The following POGK variants were observed in gnomAD, a reference collection of about 807,000 sequenced individuals.
POGK encodes pogo transposable element with KRAB domain.
POGK carries 16 observed loss-of-function variants against 54.4 expected under a neutral mutation model. That is an observed-to-expected ratio of 0.29 (90% confidence interval 0.20 to 0.45). POGK has a LOEUF of 0.45. Ranked by LOEUF, POGK falls within the 20% of genes least tolerant of loss-of-function variation. The probability of loss-of-function intolerance (pLI) is 1.00; values close to 1 mark genes in which losing one functional copy is unlikely to be tolerated. For synonymous variants in POGK, 271 were observed against 302.2 expected (o/e 0.90, Z 1.07); for missense variants, 515 against 795.6 (o/e 0.65, Z 4.24).
rs755023488 is a variant in POGK at position 166,849,201 on chromosome 1, G to T, written c.622G>T (p.Val208Leu). The change falls in exon 5 of 6, where the codon GTA becomes TTA. Residue 208 changes from valine (V) to leucine (L), a missense_variant. Physicochemically the swap from Val to Leu is conservative, Grantham distance 32 (BLOSUM62 1). This residue lies in a region of POGK where 461 missense variants were observed against 743.5 expected (regional missense o/e 0.62). Coordinates refer to ENST00000367876, the MANE Select transcript of POGK (RefSeq NM_017542.5). ...RSYDAGFKLM[V>L]VEYAESTNNC... ...TTACGACGCAGGGTTCAAGCTGATG[G>T]TAGTGGAATATGCTGAGAGTACCAA... 1.2e-6 allele frequency: 2 copies of T among 1,614,234 alleles called. No individual in the cohort carries two copies.
At chr1:166,847,403 G>A (rs1429488551) in intron 3 of POGK, 91 bp from the exon 4 acceptor site, 2 of 925,132 alleles carry the variant, frequency 2.2e-6, no homozygotes, top group Admixed American at 2.5e-5. Flanking sequence ...AAGAAGGGGA[G>A]AGTGGCTCTT....
intron 5 of POGK, chr1:166,851,880 A>T (rs1034137088): frequency 1.1e-4 from 16 of 152,188 alleles, no homozygotes; most frequent in African/African-American, 3.9e-4. Context: ...TGAAATGCTA[A>T]TGGGAGCCTT....
In POGK at chr1:166,850,415, A is replaced by G; in HGVS notation, c.*6A>G. ...GCATGGCTGAGAGCAACTGAAGGGAAAGGGAAAGGTAACCACTCAGGAGTA... is the reference window on the plus strand; with the variant it reads ...GCATGGCTGAGAGCAACTGAAGGGAGAGGGAAAGGTAACCACTCAGGAGTA... On this transcript the variant is annotated 3_prime_UTR_variant, in exon 5 of 6. Transcript: ENST00000367876. The G allele has an allele frequency of 6.3e-7, 1 of 1,597,362 alleles. No homozygotes were observed. The highest frequency in any genetic ancestry group is 8.5e-7 in the Non-Finnish European group (1 of 1,174,676).
Position 166,849,393 on chromosome 1 carries a change from T to A in POGK, c.814T>A (p.Tyr272Asn). The A allele has an allele frequency of 6.2e-7, 1 of 1,614,222 alleles. No homozygotes were observed. The highest frequency in any genetic ancestry group is 8.5e-7 in the Non-Finnish European group (1 of 1,180,048). Residue 272 changes from tyrosine (Y) to asparagine (N), a missense_variant, in exon 5 of 6, where the codon TAC (tyrosine) becomes AAC (asparagine). By Grantham distance (143) the Tyr-to-Asn change is moderately radical (BLOSUM62 -2). Around this residue, in one of 2 missense-constraint regions of POGK, gnomAD observed 461 missense variants for 743.5 expected, o/e 0.62. Coordinates refer to ENST00000367876, the MANE Select transcript of POGK (RefSeq NM_017542.5). Reference protein sequence around the residue: ...VDQRVAEYVRYMQAKGDPITR... With the variant: ...VDQRVAEYVRNMQAKGDPITR... ...CCAGCGTGTGGCCGAATATGTCAGA[T>A]ACATGCAGGCCAAAGGGGACCCCAT...
chr1:166,848,628 T>C (rs1011093668), intron 4 of POGK, among the ~76,000 whole-genome samples: 3 of 152,210 alleles, frequency 2.0e-5, no homozygotes, highest in Admixed American at 6.5e-5. Context: ...GTTCCTCTGT[T>C]GAGTTCCCAG....
Position 166,853,991 on chromosome 1 carries a change from C to G in POGK, c.*1421C>G, listed in dbSNP as rs1411287853. ...CATCTCAAATGGCGTCTAAACCCAG[C>G]TACTTTGCATTCCAGAAGTTTCCAT... On this transcript the variant is annotated 3_prime_UTR_variant, in exon 6 of 6. Transcript: ENST00000367876. 6.6e-6 allele frequency: 1 copy of G among 152,218 alleles called. No individual in the cohort carries two copies. Among genetic ancestry groups the G allele is most frequent in the East Asian group, 1.9e-4 (1 of 5,192 alleles). The allele number at this position is 152,218 out of a possible 1,614,324, so 9.4% of individuals were successfully genotyped here.
At chr1:166,850,534 A>C in intron 5 of POGK, 111 bp downstream of exon 5, 1 of 1,266,154 alleles carries the variant, frequency 7.9e-7, no homozygotes, top group Non-Finnish European at 1.1e-6. Flanking sequence ...CCTACAGTGC[A>C]GTAGTGTAGA....
chr1:166,843,688 C>T (rs1008997928), intron 2 of POGK, among the ~76,000 whole-genome samples: 2 of 152,182 alleles, frequency 1.3e-5, no homozygotes, highest in Admixed American at 1.3e-4. Context: ...TGCGTCTTTG[C>T]TGGGTGGCTG....
intron 2 of POGK, among the ~76,000 whole-genome samples, chr1:166,843,689 T>C (rs1485465637): frequency 6.6e-6 from 1 of 152,074 alleles, no homozygotes; most frequent in East Asian, 1.9e-4. Context: ...GCGTCTTTGC[T>C]GGGTGGCTGC....
rs2101777238 is a variant in POGK at position 166,853,990 on chromosome 1, G to A, written c.*1420G>A. ...TCATCTCAAATGGCGTCTAAACCCAGCTACTTTGCATTCCAGAAGTTTCCA... is the reference window on the plus strand; with the variant it reads ...TCATCTCAAATGGCGTCTAAACCCAACTACTTTGCATTCCAGAAGTTTCCA... On this transcript the variant is annotated 3_prime_UTR_variant, in exon 6 of 6. Transcript: ENST00000367876. The A allele has an allele frequency of 6.6e-6, 1 of 152,264 alleles. No homozygotes were observed. The highest frequency in any genetic ancestry group is 2.1e-4 in the South Asian group (1 of 4,824). The allele number at this position is 152,264 out of a possible 1,614,324, so 9.4% of individuals were successfully genotyped here.
At chr1:166,843,667 C>T (rs1174025108) in intron 2 of POGK, among the ~76,000 whole-genome samples, 1 of 152,136 alleles carries the variant, frequency 6.6e-6, no homozygotes, top group Non-Finnish European at 1.5e-5. Context: ...AACCCCTTCC[C>T]CCGAGATCCC....
At chr1:166,846,366 G>C (rs1054781891) in intron 2 of POGK, among the ~76,000 whole-genome samples, 20 of 152,182 alleles carry the variant, frequency 1.3e-4, no homozygotes, top group Non-Finnish European at 2.6e-4. Flanking sequence ...TTCTCAAAGT[G>C]CTGCTTACCT....
chr1:166,851,794 A>G (rs563364605), intron 5 of POGK: 1 of 152,374 alleles, frequency 6.6e-6, no homozygotes, highest in African/African-American at 2.4e-5. Context: ...GAAACCGTCA[A>G]CCATCTTCAC....
chr1:166,846,765 T>C (rs1283142519), intron 3 of POGK, 27 bp downstream of exon 3: 3 of 1,613,304 alleles, frequency 1.9e-6, no homozygotes, highest in African/African-American at 2.7e-5. Context: ...CTTTGTCTCC[T>C]GGAAGCTCTG....
rs143821995 is a variant in POGK at position 166,849,635 on chromosome 1, G to C, written c.1056G>C (p.Ala352=). Residue 352 remains alanine, a synonymous_variant, in exon 5 of 6, where the codon GCG becomes GCC. Coordinates refer to ENST00000367876, the MANE Select transcript of POGK (RefSeq NM_017542.5). ...YQRSVLALRR[A]HDYEVAQMGN... is the part of the protein sequence containing the mutation. Reference sequence around the variant, plus strand: ...GCAGTGTCCTGGCTCTGCGCAGGGCGCATGACTATGAGGTAGCTCAGATGG... The same window carrying C: ...GCAGTGTCCTGGCTCTGCGCAGGGCCCATGACTATGAGGTAGCTCAGATGG... 3 of 1,614,272 alleles carry C rather than the reference G, an allele frequency of 1.9e-6. No individual in the cohort carries two copies. In the South Asian group the frequency reaches 3.3e-5, roughly 18 times the overall value.
chr1:166,845,601 A>G (rs144934445), intron 2 of POGK, among the ~76,000 whole-genome samples: 26 of 152,248 alleles, frequency 1.7e-4, no homozygotes, highest in African/African-American at 6.3e-4. Context: ...TTTCTAAGCT[A>G]AGGAAAAACA....
At chr1:166,842,156 A>G (rs914963725) in intron 2 of POGK, among the ~76,000 whole-genome samples, 1 of 152,248 alleles carries the variant, frequency 6.6e-6, no homozygotes, top group Non-Finnish European at 1.5e-5. Context: ...AGCCTGGAAC[A>G]AGAACTCAAG....
chr1:166,848,115 C>T lies in POGK; in HGVS notation c.358+523C>T, dbSNP rs903281657. ...GAATAAATATAGCATTGCCTCCAGACGGCCAAAATAGTTTTATCTTTTCTC... is the reference window on the plus strand; with the variant it reads ...GAATAAATATAGCATTGCCTCCAGATGGCCAAAATAGTTTTATCTTTTCTC... On this transcript the variant is annotated intron_variant, in intron 4 of 5. Coordinates refer to ENST00000367876, the MANE Select transcript of POGK (RefSeq NM_017542.5). Among the ~76,000 whole-genome samples, 8 of 152,168 alleles carry T rather than the reference C, an allele frequency of 5.3e-5. No homozygotes were observed. In the South Asian group the frequency reaches 8.3e-4, roughly 16 times the overall value.
At chr1:166,846,906 T>C (rs889927211) in intron 3 of POGK, among the ~76,000 whole-genome samples, 168 bp downstream of exon 3, 2 of 152,200 alleles carry the variant, frequency 1.3e-5, no homozygotes, top group Non-Finnish European at 2.9e-5. Flanking sequence ...TATATCAATA[T>C]TGTGTCACCC....
Sources: allele counts gnomAD v4.1 joint callset (sites outside exome capture counted in the v4.1 genomes callset), GRCh38; gene constraint gnomAD v4.1.1; regional missense constraint gnomAD v4.1.1; transcripts MANE v1.5; gene names NCBI Gene and HGNC (gene_info 2026-07-23, HGNC 2026-07-21).